Variants in MS4A8 observed in about 807,000 individuals in gnomAD.
MS4A8 encodes the protein membrane spanning 4-domains A8, also known as membrane-spanning 4-domains subfamily A member 8.
In MS4A8, 27 loss-of-function variants were observed where a neutral mutation model predicts 23.7. The observed-to-expected ratio is 1.14, with a 90% CI of 0.84 to 1.57. The LOEUF (loss-of-function observed/expected upper bound fraction) is 1.57. Among genes scored for constraint, MS4A8 ranks in the 40% most tolerant of loss-of-function variants. The probability of loss-of-function intolerance (pLI) is 0.00; values close to 1 mark genes in which losing one functional copy is unlikely to be tolerated. For synonymous variants in MS4A8, 138 were observed against 126.3 expected (o/e 1.09, Z -0.62); for missense variants, 301 against 311.4 (o/e 0.97, Z 0.25).
In MS4A8 at chr11:60,715,116, C is replaced by G. The variant is rs766833029; in HGVS notation, c.630C>G (p.Val210=). The G allele has an allele frequency of 2.5e-6, 4 of 1,613,712 alleles. No homozygotes were observed. The South Asian group carries it at 4.4e-5, about 18-fold the overall frequency. ...CTTCCCACTTTGGCTGCCAGTTGGT[C>G]TGCTGTCAATCAAGCAATGTGAGTC... ...CASSHFGCQL[V]CCQSSNVSVI... Residue 210 remains valine (V), a synonymous_variant, in exon 6 of 7, where the codon GTC becomes GTG. Coordinates refer to ENST00000300226, the MANE Select transcript of MS4A8 (RefSeq NM_031457.2).
intron 5 of MS4A8, among the ~76,000 whole-genome samples, chr11:60,710,030 A>G (rs941203500): frequency 4.0e-5 from 6 of 151,690 alleles, no homozygotes; most frequent in Admixed American, 1.3e-4. Flanking sequence ...CAAATCCCCA[A>G]TGGGGTGATT....
chr11:60,702,512 C>T (rs890544327), intron 2 of MS4A8, among the ~76,000 whole-genome samples: 18 of 152,230 alleles, frequency 1.2e-4, no homozygotes, highest in African/African-American at 4.3e-4. Context: ...AAGCGATTCT[C>T]CCGCCTCAGC....
At chr11:60,712,897 C>A (rs2088311637) in intron 5 of MS4A8, among the ~76,000 whole-genome samples, 1 of 152,138 alleles carries the variant, frequency 6.6e-6, no homozygotes, top group Admixed American at 6.5e-5. Context: ...ATAATTGGAA[C>A]CCAAATGGTA....
rs376937434 is a variant in MS4A8, at chr11:60,703,520, C to T, written c.342+20C>T. 1 of 1,604,496 alleles carries T rather than the reference C, an allele frequency of 6.2e-7. No individual in the cohort carries two copies. The highest frequency in any genetic ancestry group is 8.5e-7 in the Non-Finnish European group (1 of 1,176,030). ...TTGTGGGTGAGTAACTCAAGTCCTC[C>T]TGCCGATGAGCTCCCAGAAGGTGCC... is the stretch of plus-strand genomic sequence containing the variant. On this transcript the variant is annotated intron_variant, in intron 3 of 6. Transcript: ENST00000300226.
At chr11:60,709,450 G>T (rs1005315243) in intron 5 of MS4A8, among the ~76,000 whole-genome samples, 3 of 152,138 alleles carry the variant, frequency 2.0e-5, no homozygotes. Flanking sequence ...ATTTAACCCC[G>T]TATATCTAAA....
rs1287240069 is a variant in MS4A8, at chr11:60,699,685, AG to A, written c.-91del. On this transcript the variant is annotated 5_prime_UTR_variant, in exon 1 of 7. Coordinates refer to ENST00000300226, the MANE Select transcript of MS4A8 (RefSeq NM_031457.2). The stretch of plus-strand genomic sequence containing the variant: ...CTAACCCTACCACCCAACTGGCCCC[AG>A]TACATTCATTCTCTCAGGAAAAAAA... The A allele has an allele frequency of 2.0e-5, 3 of 152,376 alleles. No individual in the cohort carries two copies. Among genetic ancestry groups the A allele is most frequent in the African/African-American group, 7.2e-5 (3 of 41,460 alleles). The allele number at this position is 152,376 out of a possible 1,614,324, so 9.4% of individuals were successfully genotyped here.
intron 5 of MS4A8, among the ~76,000 whole-genome samples, chr11:60,714,657 T>G (rs1409825895): frequency 6.6e-6 from 1 of 152,066 alleles, no homozygotes; most frequent in Non-Finnish European, 1.5e-5. Context: ...CTGTTCTCTC[T>G]GTGTCTTGTC....
chr11:60,707,443 G>A (rs1590953931), intron 4 of MS4A8, among the ~76,000 whole-genome samples: 1 of 152,136 alleles, frequency 6.6e-6, no homozygotes, highest in Non-Finnish European at 1.5e-5. Flanking sequence ...CAGAGAAGAG[G>A]ACTCCGGGGA....
intron 4 of MS4A8, among the ~76,000 whole-genome samples, chr11:60,707,538 C>A (rs749402674): frequency 6.6e-6 from 1 of 152,204 alleles, no homozygotes; most frequent in Non-Finnish European, 1.5e-5. Context: ...GCTTTGTGCT[C>A]CCCTAGCAAC....
rs2088260256 is a variant in MS4A8, at chr11:60,706,921, C to T, written c.343-67C>T. ...GGTACCCACTGTGTGTGACCAGAATCACAGAAGCCTGGGGAAGGGCACCCT... is the reference window on the plus strand; with the variant it reads ...GGTACCCACTGTGTGTGACCAGAATTACAGAAGCCTGGGGAAGGGCACCCT... On this transcript the variant is annotated intron_variant, in intron 3 of 6. Transcript: ENST00000300226. The T allele has an allele frequency of 2.9e-6, 4 of 1,375,078 alleles. No individual in the cohort carries two copies. The South Asian group carries it at 4.7e-5, about 16-fold the overall frequency. 85.2% of individuals were successfully genotyped at this position (1,375,078 alleles called of 1,614,324 possible). A position where few individuals can be genotyped will look rare whatever the true frequency, so the allele number is the denominator to read the frequency against.
intron 5 of MS4A8, among the ~76,000 whole-genome samples, chr11:60,712,844 A>G (rs1055458632): frequency 3.3e-5 from 5 of 152,040 alleles, no homozygotes; most frequent in African/African-American, 1.2e-4. Flanking sequence ...TTTGGTACCT[A>G]CTGCATGCCA....
chr11:60,705,108 A>G (rs2088244892), intron 3 of MS4A8, among the ~76,000 whole-genome samples: 2 of 152,192 alleles, frequency 1.3e-5, no homozygotes, highest in African/African-American at 2.4e-5. Context: ...TCCATCCCCG[A>G]CAGCCACACA....
chr11:60,700,961 C>G lies in MS4A8; in HGVS notation c.101C>G (p.Pro34Arg). 1 of 1,614,168 alleles carries G rather than the reference C, an allele frequency of 6.2e-7. No individual in the cohort carries two copies. Among genetic ancestry groups the G allele is most frequent in the Non-Finnish European group, 8.5e-7 (1 of 1,180,040 alleles). The change falls in exon 2 of 7, where the codon CCC becomes CGC. Residue 34 changes from proline (P) to arginine (R), a missense_variant. By Grantham distance (103) the Pro-to-Arg change is moderately radical (BLOSUM62 -2). Transcript: ENST00000300226. Reference protein sequence around the residue: ...PVTPGIMSHVPLYPNSQPQVH... With the variant: ...PVTPGIMSHVRLYPNSQPQVH... The stretch of plus-strand genomic sequence containing the variant: ...ACCCCAGGAATTATGTCTCACGTGC[C>G]CCTGTATCCAAACAGCCAGCCGCAA...
chr11:60,706,951 C>T (rs2088260441), intron 3 of MS4A8, 37 bp from the exon 4 acceptor site: 1 of 1,599,048 alleles, frequency 6.3e-7, no homozygotes, highest in East Asian at 2.2e-5. Flanking sequence ...CACCCTAGCC[C>T]CTGACCTCTT....
intron 4 of MS4A8, among the ~76,000 whole-genome samples, chr11:60,707,576 A>G (rs1190241906): frequency 1.3e-5 from 2 of 152,202 alleles, no homozygotes; most frequent in African/African-American, 4.8e-5. Flanking sequence ...CATTTGTCTC[A>G]TAATCAGGTT....
In MS4A8 at chr11:60,708,735, C is replaced by G. The variant is rs199567916; in HGVS notation, c.488C>G (p.Pro163Arg). Residue 163 changes from proline to arginine, a missense_variant, in exon 5 of 7, where the codon CCC becomes CGC. Pro to Arg is a moderately radical substitution (Grantham distance 103). Coordinates refer to ENST00000300226, the MANE Select transcript of MS4A8 (RefSeq NM_031457.2). Reference sequence around the variant, plus strand: ...CTCTTCATCACAGATCTAAGTATTCCCCACCCATATGCCTACCCCGACTAT... The same window carrying G: ...CTCTTCATCACAGATCTAAGTATTCGCCACCCATATGCCTACCCCGACTAT... ...VILFITDLSIPHPYAYPDYYP... is the reference protein window; with the variant it reads ...VILFITDLSIRHPYAYPDYYP... 6 of 1,613,274 alleles carry G rather than the reference C, an allele frequency of 3.7e-6. No individual in the cohort carries two copies. The highest frequency in any genetic ancestry group is 5.1e-6 in the Non-Finnish European group (6 of 1,179,718).
At chr11:60,712,804 A>T (rs1201411021) in intron 5 of MS4A8, among the ~76,000 whole-genome samples, 1 of 151,962 alleles carries the variant, frequency 6.6e-6, no homozygotes, top group African/African-American at 2.4e-5. Context: ...AAAAAAAAAA[A>T]ATTAAAAAAT....
intron 5 of MS4A8, among the ~76,000 whole-genome samples, chr11:60,712,921 G>T (rs989558251): frequency 7.9e-5 from 12 of 152,188 alleles, no homozygotes; most frequent in African/African-American, 2.7e-4. Context: ...GGAGTCTCCT[G>T]GATGGACCTT....
At position 60,715,496 on chromosome 11, in the gene MS4A8, C is replaced by T. The variant is rs1214403168; in HGVS notation, c.*82C>T. 2.9e-6 allele frequency: 3 copies of T among 1,034,506 alleles called. No individual in the cohort carries two copies. Among genetic ancestry groups the T allele is most frequent in the South Asian group, 2.8e-5 (2 of 71,722 alleles). 64.1% of individuals were successfully genotyped at this position (1,034,506 alleles called of 1,614,324 possible). A position where few individuals can be genotyped will look rare whatever the true frequency, so the allele number is the denominator to read the frequency against. On this transcript the variant is annotated 3_prime_UTR_variant, in exon 7 of 7. Coordinates refer to ENST00000300226, the MANE Select transcript of MS4A8 (RefSeq NM_031457.2). ...CTGGGCTTCCATAACCCAGGTCGTT[C>T]CTGTTCTGACAGCTGAGGAAACGTC...
Sources: gnomAD v4.1 joint callset for allele counts (sites outside exome capture counted in the v4.1 genomes callset) on GRCh38, gnomAD v4.1.1 for gene constraint, MANE v1.5 for transcripts, NCBI Gene and HGNC (gene_info 2026-07-23, HGNC 2026-07-21) for gene names.